Variants in TEKT5 observed in about 807,000 individuals in gnomAD.
TEKT5 encodes tektin 5, also known as tektin-5.
A neutral mutation model predicts 48.7 loss-of-function variants in TEKT5; 52 were observed. The ratio of observed to expected loss-of-function variants is 1.07; its 90% CI spans 0.86 to 1.35. TEKT5 has a LOEUF of 1.35. TEKT5 is among the 40% of genes most tolerant of loss of function. The pLI, the probability that TEKT5 is intolerant of heterozygous loss-of-function variation, is 0.00. For synonymous variants in TEKT5, 318 were observed against 267.6 expected (o/e 1.19, Z -1.84); for missense variants, 831 against 641.6 (o/e 1.30, Z -3.19).
At chr16:10,653,744 C>G (rs1898209943) in intron 5 of TEKT5, among the ~76,000 whole-genome samples, 1 of 152,250 alleles carries the variant, frequency 6.6e-6, no homozygotes, top group Middle Eastern at 3.4e-3. Context: ...GAAACCCCGT[C>G]TCTACTAAAA....
At chr16:10,664,666 C>A (rs1422436748) in intron 5 of TEKT5, among the ~76,000 whole-genome samples, 2 of 152,344 alleles carry the variant, frequency 1.3e-5, no homozygotes, top group Middle Eastern at 3.4e-3. Context: ...GGCTCACCTG[C>A]ACCTTCTCAC....
rs1023754085 is a variant in TEKT5, at chr16:10,663,247, C to T, written c.1086+12712G>A. Among the ~76,000 whole-genome samples the T allele has an allele frequency of 2.0e-5, 3 of 152,210 alleles. 1 individual carries two copies. Among genetic ancestry groups the T allele is most frequent in the Admixed American group, 2.0e-4 (3 of 15,278 alleles). ...GCTCTGAAAGCAGAGATATGTTTGG[C>T]AGGGTTGTTCACCATGTAAAACTAT... On this transcript the variant is annotated intron_variant, in intron 5 of 6. Transcript: ENST00000283025.
At chr16:10,662,296 T>C (rs577567435) in intron 5 of TEKT5, among the ~76,000 whole-genome samples, 1 of 152,358 alleles carries the variant, frequency 6.6e-6, no homozygotes, top group African/African-American at 2.4e-5. Context: ...TGAGAACTGC[T>C]GCTTTAGATG....
chr16:10,657,895 C>T (rs59947930), intron 5 of TEKT5, among the ~76,000 whole-genome samples: 11,677 of 151,948 alleles, frequency 0.077, 721 homozygotes, highest in East Asian at 0.2. Flanking sequence ...CCACTGCGCC[C>T]GGCCTCCCCT....
chr16:10,658,466 T>G (rs1036508368), intron 5 of TEKT5, among the ~76,000 whole-genome samples: 1 of 152,176 alleles, frequency 6.6e-6, no homozygotes, highest in African/African-American at 2.4e-5. Flanking sequence ...ACCAATACTA[T>G]ATTGAGTAGA....
Position 10,682,116 on chromosome 16 carries a change from T to C in TEKT5, c.740A>G (p.His247Arg), listed in dbSNP as rs758572076. 8.7e-6 allele frequency: 14 copies of C among 1,614,150 alleles called. No homozygotes were observed. The highest frequency in any genetic ancestry group is 1.2e-5 in the Non-Finnish European group (14 of 1,180,018). ...IQMRDNRDAQHVLERDLEDKS... is the reference protein window; with the variant it reads ...IQMRDNRDAQRVLERDLEDKS... The stretch of plus-strand genomic sequence containing the variant: ...GTCTTCGAGGTCCCTCTCCAGCACG[T>C]GCTGAGCATCCCGGTTATCCCTGCA... Residue 247 changes from histidine (H) to arginine (R), a missense_variant, in exon 4 of 7, where the codon CAC (histidine) becomes CGC (arginine). Physicochemically the swap from His to Arg is conservative, Grantham distance 29 (BLOSUM62 0). Coordinates refer to ENST00000283025, the MANE Select transcript of TEKT5 (RefSeq NM_144674.2).
intron 6 of TEKT5, among the ~76,000 whole-genome samples, chr16:10,633,072 C>G (rs1199408201): frequency 2.0e-5 from 3 of 152,204 alleles, no homozygotes; most frequent in African/African-American, 7.2e-5. Flanking sequence ...GTAGAAGTCC[C>G]CTGGCGGGGC....
At chr16:10,669,178 A>G (rs1898511852) in intron 5 of TEKT5, among the ~76,000 whole-genome samples, 1 of 152,174 alleles carries the variant, frequency 6.6e-6, no homozygotes, top group Non-Finnish European at 1.5e-5. Flanking sequence ...ATGCTTATCA[A>G]CAGGTGAGGC....
chr16:10,690,784 G>C, intron 1 of TEKT5: 1 of 985,402 alleles, frequency 1.0e-6, no homozygotes, highest in Non-Finnish European at 1.2e-6. Context: ...CTGACAAACA[G>C]CAGTGATTAG....
At chr16:10,659,581 A>G (rs923305959) in intron 5 of TEKT5, among the ~76,000 whole-genome samples, 12 of 152,108 alleles carry the variant, frequency 7.9e-5, no homozygotes, top group East Asian at 7.7e-4. Context: ...GGGTTTCACC[A>G]TGTTAGCCTG....
intron 6 of TEKT5, among the ~76,000 whole-genome samples, chr16:10,629,798 T>C (rs1050957695): frequency 2.2e-4 from 33 of 152,318 alleles, no homozygotes; most frequent in African/African-American, 7.9e-4. Flanking sequence ...ACAAAGGGCC[T>C]CTGGTGCAGA....
At chr16:10,679,326 A>G (rs1042221050) in intron 4 of TEKT5, among the ~76,000 whole-genome samples, 2 of 151,998 alleles carry the variant, frequency 1.3e-5, no homozygotes, top group African/African-American at 4.8e-5. Flanking sequence ...GCGTGGTGGC[A>G]TGTGCCTGCA....
chr16:10,635,894 C>G lies in TEKT5; in HGVS notation c.1111G>C (p.Glu371Gln), dbSNP rs140448268. 4.8e-4 allele frequency: 781 copies of G among 1,613,876 alleles called. No individual in the cohort carries two copies. The highest frequency in any genetic ancestry group is 5.7e-4 in the Non-Finnish European group (672 of 1,180,046). Reference protein sequence around the residue: ...AKTLQEIFQAENTIMLLERSI... With the variant: ...AKTLQEIFQAQNTIMLLERSI... ...CTTTCCAGCAGCATGATGGTGTTCT[C>G]GGCCTGGAAGATCTCCTGCAGCGTC... Residue 371 changes from glutamate to glutamine, a missense_variant, in exon 6 of 7, where the codon GAG (glutamate) becomes CAG (glutamine). Physicochemically the swap from Glu to Gln is conservative, Grantham distance 29 (BLOSUM62 2). Coordinates refer to ENST00000283025, the MANE Select transcript of TEKT5 (RefSeq NM_144674.2).
chr16:10,635,797 T>C lies in TEKT5; in HGVS notation c.1208A>G (p.Asn403Ser), dbSNP rs1217781848. ...CGGGATGTCCCTGCACAGCTCCATG[T>C]TGGGGCGCCGGGTCCGGCACTCCAG... is the stretch of plus-strand genomic sequence containing the variant. ...TRLECRTRRPNMELCRDIPQL... is the reference protein window; with the variant it reads ...TRLECRTRRPSMELCRDIPQL... The change falls in exon 6 of 7, where the codon AAC becomes AGC. Residue 403 changes from asparagine (N) to serine (S), a missense_variant. Physicochemically the swap from Asn to Ser is conservative, Grantham distance 46 (BLOSUM62 1). Transcript: ENST00000283025. 5 of 1,614,070 alleles carry C rather than the reference T, an allele frequency of 3.1e-6. No individual in the cohort carries two copies. Among genetic ancestry groups the C allele is most frequent in the African/African-American group, 1.3e-5 (1 of 74,930 alleles).
intron 1 of TEKT5, chr16:10,692,757 G>A (rs887716593): frequency 6.6e-6 from 1 of 152,238 alleles, no homozygotes; most frequent in Non-Finnish European, 1.5e-5. Context: ...TGCCTCGAAT[G>A]AGAATATCAA....
intron 5 of TEKT5, among the ~76,000 whole-genome samples, chr16:10,673,690 TC>T (rs1187780803): frequency 7.0e-6 from 1 of 142,734 alleles, no homozygotes; most frequent in Non-Finnish European, 1.5e-5. Flanking sequence ...TCACTCTGTC[TC>T]CCACGCTGGA....
At position 10,643,380 on chromosome 16, in the gene TEKT5, T is replaced by TA. The variant is rs796677368; in HGVS notation, c.1087-7463dup. Among the ~76,000 whole-genome samples, 96 of 144,712 alleles carry TA rather than the reference T, an allele frequency of 6.6e-4. 2 individuals carry two copies. Among genetic ancestry groups the TA allele is most frequent in the Admixed American group, 1.3e-3 (19 of 14,552 alleles). The allele number at this position is 144,712 out of a possible 152,430, so 94.9% of individuals were successfully genotyped here. ...GGCGACAGAGCGAGACTCCGTCTCT[T>TA]AAAAAAAAAAAAAGTAAAATATAAA... On this transcript the variant is annotated intron_variant, in intron 5 of 6. Coordinates refer to ENST00000283025, the MANE Select transcript of TEKT5 (RefSeq NM_144674.2).
chr16:10,652,427 A>C (rs550632808), intron 5 of TEKT5, among the ~76,000 whole-genome samples: 20 of 147,884 alleles, frequency 1.4e-4, no homozygotes, highest in Admixed American at 3.4e-4. Context: ...GGCCAGGTAC[A>C]GCAATCCCTT....
rs117802417 is a variant in TEKT5, at chr16:10,628,554, G to A, written c.1242-755C>T. Among the ~76,000 whole-genome samples, 523 of 152,256 alleles carry A rather than the reference G, an allele frequency of 3.4e-3. 3 individuals are homozygous for A. The highest frequency in any genetic ancestry group is 6.0e-3 in the Non-Finnish European group (410 of 68,024). ...AATGTCTGTGGATGGATGGATGAGT[G>A]GATAAGCACAATGTAATCGAGCCAC... is the stretch of plus-strand genomic sequence containing the variant. On this transcript the variant is annotated intron_variant, in intron 6 of 6. Transcript: ENST00000283025.
Sources: allele counts gnomAD v4.1 joint callset (sites outside exome capture counted in the v4.1 genomes callset), GRCh38; gene constraint gnomAD v4.1.1; transcripts MANE v1.5; gene names NCBI Gene and HGNC (gene_info 2026-07-23, HGNC 2026-07-21).